PTPRK: variants seen among roughly 807,000 people sequenced by gnomAD.
PTPRK encodes the protein receptor-type tyrosine-protein phosphatase kappa.
A neutral mutation model predicts 178.0 loss-of-function variants in PTPRK; 75 were observed. The observed-to-expected ratio is 0.42, with a 90% CI of 0.35 to 0.51. The LOEUF (loss-of-function observed/expected upper bound fraction) is 0.51, where lower values mean the gene tolerates loss of function less well. Among genes scored for constraint, PTPRK ranks in the 20% least tolerant of loss-of-function variants. The probability of loss-of-function intolerance (pLI) is 0.02; values close to 1 mark genes in which losing one functional copy is unlikely to be tolerated. For synonymous variants in PTPRK, 637 were observed against 620.6 expected, an observed-to-expected ratio of 1.03 and a Z score of -0.39; for missense variants, 1,441 against 1,797.8, an observed-to-expected ratio of 0.80 and a Z score of 3.59.
At chr6:128,185,922 CAAG>C (rs1395742482) in intron 6 of PTPRK, among the ~76,000 whole-genome samples, 2 of 152,042 alleles carry the variant, frequency 1.3e-5, no homozygotes, top group Non-Finnish European at 2.9e-5. Context: ...TTAAATGAAA[CAAG>C]AATGTTCAGG....
At chr6:127,980,249 G>A (rs1775145336) in intron 25 of PTPRK, among the ~76,000 whole-genome samples, 1 of 152,226 alleles carries the variant, frequency 6.6e-6, no homozygotes, top group African/African-American at 2.4e-5. Context: ...AGCAGAGGTT[G>A]CAGTGAGCCG....
intron 1 of PTPRK, among the ~76,000 whole-genome samples, chr6:128,448,608 T>C (rs1474327074): frequency 3.3e-5 from 5 of 152,330 alleles, no homozygotes; most frequent in African/African-American, 1.2e-4. Context: ...ATTAATAAGA[T>C]GCTAGCTCCT....
chr6:128,470,950 C>A (rs1850569475), intron 1 of PTPRK, among the ~76,000 whole-genome samples: 2 of 146,750 alleles, frequency 1.4e-5, no homozygotes, highest in African/African-American at 2.5e-5. Context: ...AGTCACCAAA[C>A]TGAAAATAAA....
chr6:128,313,346 C>T (rs766514230), intron 3 of PTPRK, among the ~76,000 whole-genome samples: 5 of 151,966 alleles, frequency 3.3e-5, no homozygotes, highest in African/African-American at 7.3e-5. Flanking sequence ...ACACCCTGAC[C>T]TTTTTAAAAG....
At chr6:128,510,505 C>T (rs1330275641) in intron 1 of PTPRK, among the ~76,000 whole-genome samples, 1 of 152,214 alleles carries the variant, frequency 6.6e-6, no homozygotes, top group Non-Finnish European at 1.5e-5. Context: ...TCACCATCAT[C>T]TCTTGAGGTT....
rs1180810233 is a variant in PTPRK, at chr6:128,184,862, A to G, written c.869-137T>C. 4 of 901,062 alleles carry G rather than the reference A, an allele frequency of 4.4e-6. No individual in the cohort carries two copies. The African/African-American group carries it at 6.7e-5, about 15-fold the overall frequency. 55.8% of individuals were successfully genotyped at this position (901,062 alleles called of 1,614,324 possible). A position where few individuals can be genotyped will look rare whatever the true frequency, so the allele number is the denominator to read the frequency against. On this transcript the variant is annotated intron_variant, in intron 6 of 29. Coordinates refer to ENST00000368226, the MANE Select transcript of PTPRK (RefSeq NM_002844.4). The stretch of plus-strand genomic sequence containing the variant: ...TAAATACTTGAAAGAAAACTAGAAG[A>G]CGCATGATCTGACAACTGTACTTTT...
intron 2 of PTPRK, among the ~76,000 whole-genome samples, chr6:128,370,526 A>T (rs1836125261): frequency 6.6e-6 from 1 of 152,068 alleles, no homozygotes; most frequent in South Asian, 2.1e-4. Flanking sequence ...TAACATCAAG[A>T]TAATTCATCA....
intron 2 of PTPRK, among the ~76,000 whole-genome samples, chr6:128,347,464 T>C (rs1305458795): frequency 6.6e-6 from 1 of 152,160 alleles, no homozygotes; most frequent in Non-Finnish European, 1.5e-5. Flanking sequence ...GGAGATGAAT[T>C]TACCGTGAAG....
chr6:128,504,588 A>G (rs1856055293), intron 1 of PTPRK, among the ~76,000 whole-genome samples: 1 of 152,232 alleles, frequency 6.6e-6, no homozygotes, highest in Admixed American at 6.5e-5. Context: ...TGCATTCCTG[A>G]TAAGAATTAG....
At chr6:128,244,581 A>G (rs1815113008) in intron 3 of PTPRK, among the ~76,000 whole-genome samples, 1 of 152,230 alleles carries the variant, frequency 6.6e-6, no homozygotes. Context: ...GATTTCAGAT[A>G]CGTGTGTAAA....
Position 128,463,741 on chromosome 6 carries a change from G to T in PTPRK, c.100+56518C>A, listed in dbSNP as rs569615635. 2.7e-3 allele frequency among the ~76,000 whole-genome samples: 262 copies of T among 96,820 alleles called. 1 individual carries two copies. The highest frequency in any genetic ancestry group is 5.7e-3 in the South Asian group (17 of 3,004). 63.5% of individuals were successfully genotyped at this position (96,820 alleles called of 152,430 possible). The stretch of plus-strand genomic sequence containing the variant: ...TTCTCTATAAAAGTCAATCTTCACG[G>T]TTTTTTTTTTTTTTTTTTTTTTTTT... On this transcript the variant is annotated intron_variant, in intron 1 of 29. Transcript: ENST00000368226.
chr6:128,360,620 T>C (rs780791956), intron 2 of PTPRK, among the ~76,000 whole-genome samples: 14 of 152,316 alleles, frequency 9.2e-5, no homozygotes, highest in Admixed American at 2.6e-4. Flanking sequence ...CTACTTTCCA[T>C]AGCAGAATTC....
At chr6:128,080,927 A>G (rs558407498) in intron 10 of PTPRK, among the ~76,000 whole-genome samples, 104 of 152,200 alleles carry the variant, frequency 6.8e-4, no homozygotes, top group African/African-American at 2.3e-3. Flanking sequence ...AAGTTGAATA[A>G]TTAAAAGAAA....
chr6:128,026,516 T>C (rs1168078631), intron 13 of PTPRK, among the ~76,000 whole-genome samples: 1 of 152,170 alleles, frequency 6.6e-6, no homozygotes, highest in African/African-American at 2.4e-5. Context: ...TACAATGAAA[T>C]AACTAAATTC....
intron 1 of PTPRK, among the ~76,000 whole-genome samples, chr6:128,411,631 G>T (rs1375451749): frequency 1.3e-5 from 2 of 152,144 alleles, no homozygotes; most frequent in African/African-American, 4.8e-5. Context: ...ACTCAGAAAG[G>T]CTTTATGGAT....
At position 128,080,930 on chromosome 6, in the gene PTPRK, A is replaced by T. The variant is rs561854516; in HGVS notation, c.1777+1507T>A. The stretch of plus-strand genomic sequence containing the variant: ...CAAGTAAAAGTGAAGTTGAATAATT[A>T]AAAGAAAAAATCAGATGGATGTTCT... On this transcript the variant is annotated intron_variant, in intron 10 of 29. Transcript: ENST00000368226. 2.6e-3 allele frequency among the ~76,000 whole-genome samples: 391 copies of T among 152,188 alleles called. 1 individual carries two copies. Among genetic ancestry groups the T allele is most frequent in the Non-Finnish European group, 2.8e-3 (192 of 67,970 alleles).
At chr6:128,197,272 C>A (rs1261821447) in intron 6 of PTPRK, among the ~76,000 whole-genome samples, 2 of 149,142 alleles carry the variant, frequency 1.3e-5, no homozygotes, top group Non-Finnish European at 3.0e-5. Context: ...TATACATGTG[C>A]CACGGTGGTT....
intron 1 of PTPRK, among the ~76,000 whole-genome samples, chr6:128,487,823 T>C (rs1483444535): frequency 1.3e-5 from 2 of 152,200 alleles, no homozygotes; most frequent in Non-Finnish European, 2.9e-5. Flanking sequence ...TCTTTTGTAA[T>C]AGGAGCGGTC....
intron 1 of PTPRK, among the ~76,000 whole-genome samples, chr6:128,512,916 T>C (rs1017159354): frequency 4.6e-5 from 7 of 152,336 alleles, no homozygotes; most frequent in South Asian, 4.1e-4. Flanking sequence ...AAGAGACTGC[T>C]ACTAGTAATG....
Sources: gnomAD v4.1 joint callset for allele counts (sites outside exome capture counted in the v4.1 genomes callset) on GRCh38, gnomAD v4.1.1 for gene constraint, MANE v1.5 for transcripts, NCBI Gene and HGNC (gene_info 2026-07-23, HGNC 2026-07-21) for gene names.